Variants in NUBP1 observed in about 807,000 individuals in gnomAD.
The protein encoded by NUBP1 is NUBP iron-sulfur cluster assembly factor 1, cytosolic.
In NUBP1, 46 loss-of-function variants were observed where a neutral mutation model predicts 41.8. The observed-to-expected ratio is 1.10, with a 90% CI of 0.87 to 1.41. The LOEUF (loss-of-function observed/expected upper bound fraction) is 1.41, where lower values mean the gene tolerates loss of function less well. Ranked by LOEUF, NUBP1 falls within the 40% of genes most tolerant of loss-of-function variation. The pLI, the probability that NUBP1 is intolerant of heterozygous loss-of-function variation, is 0.00. For missense variants in NUBP1, 494 were observed against 414.0 expected (o/e 1.19, Z -1.68); for synonymous variants, 189 against 154.6 (o/e 1.22, Z -1.65).
rs1232216789 is a variant in NUBP1, at chr16:10,768,814, C to T, written c.905-233C>T. 4.6e-6 allele frequency: 2 copies of T among 438,560 alleles called. No individual in the cohort carries two copies. The highest frequency in any genetic ancestry group is 8.1e-6 in the Non-Finnish European group (2 of 248,078). 27.2% of individuals were successfully genotyped at this position (438,560 alleles called of 1,614,324 possible). A position where few individuals can be genotyped will look rare whatever the true frequency, so the allele number is the denominator to read the frequency against. ...GTAAGGAAACAGCATTCCCAGAATC[C>T]TCCATCTATAGATGGTCCGAGGAAG... On this transcript the variant is annotated intron_variant, in intron 10 of 10. Transcript: ENST00000283027. This position sits in a 1 kb window ranked among gnomAD's most constrained non-coding sequence, Gnocchi z 4.3.
intron 3 of NUBP1, among the ~76,000 whole-genome samples, chr16:10,751,487 TAGG>T (rs531502700): frequency 8.5e-4 from 129 of 152,272 alleles, no homozygotes; most frequent in Middle Eastern, 3.4e-3. Flanking sequence ...GCTGAGGAAG[TAGG>T]AGGCTGGGTT....
chr16:10,768,976 C>G lies in NUBP1; in HGVS notation c.905-71C>G, dbSNP rs1186663886. On this transcript the variant is annotated intron_variant, in intron 10 of 10. Coordinates refer to ENST00000283027, the MANE Select transcript of NUBP1 (RefSeq NM_002484.4). This position sits in a 1 kb window ranked among gnomAD's most constrained non-coding sequence, Gnocchi z 4.3. Reference sequence around the variant, plus strand: ...CACCCCTGTCAAAACACAGCCCTCCCCAGCACAGGACAGGGCTGTCAAGGG... The same window carrying G: ...CACCCCTGTCAAAACACAGCCCTCCGCAGCACAGGACAGGGCTGTCAAGGG... 5.0e-6 allele frequency: 7 copies of G among 1,413,164 alleles called. No homozygotes were observed. The South Asian group carries it at 5.8e-5, about 12-fold the overall frequency. The allele number at this position is 1,413,164 out of a possible 1,614,324, so 87.5% of individuals were successfully genotyped here. A position where few individuals can be genotyped will look rare whatever the true frequency, so the allele number is the denominator to read the frequency against.
chr16:10,752,692 A>G lies in NUBP1; in HGVS notation c.327+14A>G. On this transcript the variant is annotated intron_variant, in intron 4 of 10. Coordinates refer to ENST00000283027, the MANE Select transcript of NUBP1 (RefSeq NM_002484.4). ...GAAGGAGAGCAGGTAATAGCCGGTT[A>G]CAGAACTCAGGAAATTATTCTCTTA... 1 of 1,611,030 alleles carries G rather than the reference A, an allele frequency of 6.2e-7. No individual in the cohort carries two copies. The highest frequency in any genetic ancestry group is 8.5e-7 in the Non-Finnish European group (1 of 1,177,274).
chr16:10,744,270 G>A (rs1206763155), intron 2 of NUBP1, among the ~76,000 whole-genome samples: 6 of 152,186 alleles, frequency 3.9e-5, no homozygotes, highest in Non-Finnish European at 7.3e-5. Context: ...TGACAGGAAC[G>A]AGGCCTTTAG....
In NUBP1 at chr16:10,766,024, G is replaced by T. The variant is rs1445136583; in HGVS notation, c.821-1925G>T. 4 of 152,354 alleles carry T rather than the reference G, an allele frequency of 2.6e-5. No homozygotes were observed. The highest frequency in any genetic ancestry group is 9.6e-5 in the African/African-American group (4 of 41,460). 9.4% of individuals were successfully genotyped at this position (152,354 alleles called of 1,614,324 possible). ...CTGGCAAGGTCACTGGGGACAGAGT[G>T]GGGGAAAACCCACCTTCCTAGGAAC... On this transcript the variant is annotated intron_variant, in intron 9 of 10. Transcript: ENST00000283027. The surrounding 1 kb of genome is among the most constrained non-coding windows in gnomAD (Gnocchi z 4.8).
Position 10,757,811 on chromosome 16 carries a change from G to T in NUBP1, c.452-62G>T. The T allele has an allele frequency of 6.4e-7, 1 of 1,570,854 alleles. No individual in the cohort carries two copies. The highest frequency in any genetic ancestry group is 8.7e-7 in the Non-Finnish European group (1 of 1,151,948). ...GACCCCATCCTTTAAAAAAAAAAGA[G>T]GGAGTTGAAAGTACAGAAAAGAAAG... On this transcript the variant is annotated intron_variant, in intron 6 of 10. Coordinates refer to ENST00000283027, the MANE Select transcript of NUBP1 (RefSeq NM_002484.4). The surrounding 1 kb of genome is among the most constrained non-coding windows in gnomAD (Gnocchi z 4.1).
chr16:10,768,968 A>G lies in NUBP1; in HGVS notation c.905-79A>G, dbSNP rs2031300003. On this transcript the variant is annotated intron_variant, in intron 10 of 10. Transcript: ENST00000283027. This position sits in a 1 kb window ranked among gnomAD's most constrained non-coding sequence, Gnocchi z 4.3. ...GAGGATTCCACCCCTGTCAAAACACAGCCCTCCCCAGCACAGGACAGGGCT... is the reference window on the plus strand; with the variant it reads ...GAGGATTCCACCCCTGTCAAAACACGGCCCTCCCCAGCACAGGACAGGGCT... The G allele has an allele frequency of 2.3e-6, 3 of 1,294,268 alleles. No individual in the cohort carries two copies. In the African/African-American group the frequency reaches 4.4e-5, roughly 19 times the overall value. The allele number at this position is 1,294,268 out of a possible 1,614,324, so 80.2% of individuals were successfully genotyped here. A position where few individuals can be genotyped will look rare whatever the true frequency, so the allele number is the denominator to read the frequency against.
intron 9 of NUBP1, chr16:10,762,161 G>A (rs59406415): frequency 1.7e-4 from 44 of 253,684 alleles, no homozygotes; most frequent in African/African-American, 9.7e-4. Context: ...CGATAGAGGG[G>A]CGGCTCCAGG....
Position 10,765,292 on chromosome 16 carries a change from C to A in NUBP1, c.821-2657C>A, listed in dbSNP as rs914614763. 1.4e-5 allele frequency: 2 copies of A among 145,580 alleles called. No homozygotes were observed. The highest frequency in any genetic ancestry group is 3.0e-5 in the Non-Finnish European group (2 of 67,190). The allele number at this position is 145,580 out of a possible 1,614,324, so 9.0% of individuals were successfully genotyped here. Reference sequence around the variant, plus strand: ...ACACACACACACACACAACCATGCTCTAGCCTGGGTAACACAGGAAGATAC... The same window carrying A: ...ACACACACACACACACAACCATGCTATAGCCTGGGTAACACAGGAAGATAC... On this transcript the variant is annotated intron_variant, in intron 9 of 10. Transcript: ENST00000283027. This position sits in a 1 kb window ranked among gnomAD's most constrained non-coding sequence, Gnocchi z 4.0.
At position 10,757,066 on chromosome 16, in the gene NUBP1, G is replaced by T. The variant is rs1226782279; in HGVS notation, c.451+286G>T. On this transcript the variant is annotated intron_variant, in intron 6 of 10. Coordinates refer to ENST00000283027, the MANE Select transcript of NUBP1 (RefSeq NM_002484.4). This position sits in a 1 kb window ranked among gnomAD's most constrained non-coding sequence, Gnocchi z 4.1. ...TGTAATCCCAGCACTTTGGGAGGCC[G>T]AGGCAGGTGGATCACCTGAGGTCAG... 6.6e-6 allele frequency among the ~76,000 whole-genome samples: 1 copy of T among 152,146 alleles called. No homozygotes were observed. The highest frequency in any genetic ancestry group is 2.4e-5 in the African/African-American group (1 of 41,418).
At chr16:10,760,937 T>C (rs927610674) in intron 7 of NUBP1, 2 of 181,702 alleles carry the variant, frequency 1.1e-5, no homozygotes, top group African/African-American at 4.7e-5. Flanking sequence ...AGAGGTTTCA[T>C]TGATTCACAG....
In NUBP1 at chr16:10,759,346, A is replaced by T. The variant is rs1291101540; in HGVS notation, c.606+1319A>T. On this transcript the variant is annotated intron_variant, in intron 7 of 10. Coordinates refer to ENST00000283027, the MANE Select transcript of NUBP1 (RefSeq NM_002484.4). This position sits in a 1 kb window ranked among gnomAD's most constrained non-coding sequence, Gnocchi z 4.7. ...ATGTCCACCCTGGCATCCTGCAGAG[A>T]GGGGACATGGGGACGCAAGGAGGAG... Among the ~76,000 whole-genome samples, 1 of 152,200 alleles carries T rather than the reference A, an allele frequency of 6.6e-6. No homozygotes were observed. The highest frequency in any genetic ancestry group is 1.5e-5 in the Non-Finnish European group (1 of 68,026).
intron 3 of NUBP1, among the ~76,000 whole-genome samples, chr16:10,747,617 A>G (rs968290848): frequency 6.6e-6 from 1 of 152,246 alleles, no homozygotes; most frequent in Non-Finnish European, 1.5e-5. Context: ...CCTGGGTGGC[A>G]GAATGAGACT....
rs766747290 is a variant in NUBP1, at chr16:10,768,007, G to A, written c.879G>A (p.Thr293=). 5.6e-6 allele frequency: 9 copies of A among 1,614,018 alleles called. No individual in the cohort carries two copies. The highest frequency in any genetic ancestry group is 3.3e-5 in the South Asian group (3 of 91,072). Reference sequence around the variant, plus strand: ...TTGACGCCCCAGATTCCCCAGCCACGTTAGCCTACAGAAGTATAATTCAGA... The same window carrying A: ...TTGACGCCCCAGATTCCCCAGCCACATTAGCCTACAGAAGTATAATTCAGA... The part of the protein sequence containing the change: ...FFIDAPDSPA[T]LAYRSIIQRI... The change falls in exon 10 of 11, where the codon ACG becomes ACA. Residue 293 remains threonine (T), a synonymous_variant. Transcript: ENST00000283027. This position sits in a 1 kb window ranked among gnomAD's most constrained non-coding sequence, Gnocchi z 4.3.
chr16:10,764,742 AG>A (rs2142799020), intron 9 of NUBP1, among the ~76,000 whole-genome samples: 1 of 146,196 alleles, frequency 6.8e-6, no homozygotes, highest in Non-Finnish European at 1.5e-5. Context: ...GGAGCATCTC[AG>A]TCTGCTGGAG....
Position 10,749,797 on chromosome 16 carries a change from C to T in NUBP1, c.258+2521C>T, listed in dbSNP as rs186703485. ...CATGTTAGCGCTTGAGGCAGGCAGG[C>T]GCCTGTCATCTCATTGGCACAAAGG... On this transcript the variant is annotated intron_variant, in intron 3 of 10. Transcript: ENST00000283027. This position sits in a 1 kb window ranked among gnomAD's most constrained non-coding sequence, Gnocchi z 4.1. Among the ~76,000 whole-genome samples, 21 of 152,292 alleles carry T rather than the reference C, an allele frequency of 1.4e-4. No homozygotes were observed. The highest frequency in any genetic ancestry group is 6.5e-4 in the Admixed American group (10 of 15,294).
At chr16:10,753,013 T>C (rs1900393510) in intron 4 of NUBP1, among the ~76,000 whole-genome samples, 1 of 152,256 alleles carries the variant, frequency 6.6e-6, no homozygotes, top group Non-Finnish European at 1.5e-5. Context: ...CAAGCTGGGC[T>C]CCACCTCCTG....
chr16:10,744,937 T>C (rs1899994967), intron 2 of NUBP1, among the ~76,000 whole-genome samples: 1 of 151,766 alleles, frequency 6.6e-6, no homozygotes, highest in South Asian at 2.1e-4. Context: ...TTTATATTTT[T>C]AGTAGAACCA....
chr16:10,757,503 A>G lies in NUBP1; in HGVS notation c.452-370A>G, dbSNP rs1084547. On this transcript the variant is annotated intron_variant, in intron 6 of 10. Coordinates refer to ENST00000283027, the MANE Select transcript of NUBP1 (RefSeq NM_002484.4). This position sits in a 1 kb window ranked among gnomAD's most constrained non-coding sequence, Gnocchi z 4.1. ...TGGGGGGAGGAGTAGACCGTGTTCT[A>G]CACCATAGGGTGTTAAACAGTGTCC... Among the ~76,000 whole-genome samples the G allele has an allele frequency of 0.25, 37,675 of 151,932 alleles. 4,899 individuals are homozygous for G. Among genetic ancestry groups the G allele is most frequent in the South Asian group, 0.34 (1,647 of 4,818 alleles).
Sources: gnomAD v4.1 joint callset for allele counts (sites outside exome capture counted in the v4.1 genomes callset) on GRCh38, gnomAD v4.1.1 for gene constraint, Gnocchi (gnomAD v3.1) non-coding constraint, MANE v1.5 for transcripts, NCBI Gene and HGNC (gene_info 2026-07-23, HGNC 2026-07-21) for gene names.